ADGRV1: variants seen among roughly 807,000 people sequenced by gnomAD.
The protein encoded by ADGRV1 is adhesion G protein-coupled receptor V1.
ADGRV1 carries 359 observed loss-of-function variants against 596.2 expected under a neutral mutation model. The ratio of observed to expected loss-of-function variants is 0.60; its 90% confidence interval spans 0.55 to 0.66. The LOEUF is 0.66. Among genes scored for constraint, ADGRV1 ranks in the 30% least tolerant of loss-of-function variants. The probability of loss-of-function intolerance (pLI) is 0.00; values close to 1 mark genes in which losing one functional copy is unlikely to be tolerated. For missense variants in ADGRV1, 7,274 were observed against 7,575.6 expected (o/e 0.96, Z 1.48); for synonymous variants, 2,681 against 2,679.2 (o/e 1.00, Z -0.02).
At chr5:91,098,733 C>T (rs1234024785) in intron 86 of ADGRV1, among the ~76,000 whole-genome samples, 1 of 150,874 alleles carries the variant, frequency 6.6e-6, no homozygotes, top group Non-Finnish European at 1.5e-5. Context: ...AGTATGCTCC[C>T]TTAGCTTCTC....
intron 59 of ADGRV1, among the ~76,000 whole-genome samples, chr5:90,770,814 C>T (rs1052434152): frequency 2.5e-4 from 38 of 152,082 alleles, no homozygotes; most frequent in African/African-American, 8.2e-4. Context: ...CAGAGGTAAC[C>T]GCTATTGACA....
chr5:91,136,284 G>A (rs1008821261), intron 87 of ADGRV1, among the ~76,000 whole-genome samples: 2 of 152,168 alleles, frequency 1.3e-5, no homozygotes, highest in Non-Finnish European at 2.9e-5. Flanking sequence ...CCTTATTGGT[G>A]AATCAAAAGA....
Position 90,756,569 on chromosome 5 carries a change from C to G in ADGRV1, c.11696C>G (p.Ala3899Gly). The G allele has an allele frequency of 6.2e-7, 1 of 1,613,668 alleles. No individual in the cohort carries two copies. Among genetic ancestry groups the G allele is most frequent in the Non-Finnish European group, 8.5e-7 (1 of 1,179,646 alleles). Residue 3899 changes from alanine to glycine, a missense_variant, in exon 56 of 90, where the codon GCT (alanine) becomes GGT (glycine). By Grantham distance (60) the Ala-to-Gly change is moderately conservative (BLOSUM62 0). This residue lies in a region of ADGRV1 where 3,643 missense variants were observed against 3,809.2 expected (regional missense o/e 0.96). Coordinates refer to ENST00000405460, the MANE Select transcript of ADGRV1 (RefSeq NM_032119.4). ...GTGCGGAGGCCCGGAATGGAAATAG[C>G]TGAGATAATGATAGAAGAAAATGAC... ...PSVRRPGMEI[A>G]EIMIEENDDP...
At position 91,148,711 on chromosome 5, in the gene ADGRV1, A is replaced by G. The variant is rs76408823; in HGVS notation, c.18433-1319A>G. On this transcript the variant is annotated intron_variant, in intron 87 of 89. Coordinates refer to ENST00000405460, the MANE Select transcript of ADGRV1 (RefSeq NM_032119.4). The stretch of plus-strand genomic sequence containing the variant: ...TGAGAAGAGGCCCACCATCTTCTAG[A>G]CCCCAGAATGGTTTATCCACAAACA... Among the ~76,000 whole-genome samples the G allele has an allele frequency of 2.7e-3, 410 of 152,224 alleles. 6 individuals carry two copies. The East Asian group carries it at 0.03, about 11-fold the overall frequency.
At chr5:90,963,222 T>C (rs1778176662) in intron 83 of ADGRV1, among the ~76,000 whole-genome samples, 1 of 152,182 alleles carries the variant, frequency 6.6e-6, no homozygotes, top group Non-Finnish European at 1.5e-5. Context: ...AATGTTAAAA[T>C]GATTGCTTTT....
chr5:90,677,686 C>G (rs1004939716), intron 25 of ADGRV1, among the ~76,000 whole-genome samples: 2 of 152,134 alleles, frequency 1.3e-5, no homozygotes, highest in Admixed American at 1.3e-4. Flanking sequence ...TGAGAAACTT[C>G]TCCCCATATC....
chr5:91,092,910 C>T lies in ADGRV1; in HGVS notation c.18311-9309C>T, dbSNP rs77398502. 5.2e-3 allele frequency among the ~76,000 whole-genome samples: 797 copies of T among 152,294 alleles called. 6 individuals carry two copies. Among genetic ancestry groups the T allele is most frequent in the African/African-American group, 0.018 (760 of 41,548 alleles). On this transcript the variant is annotated intron_variant, in intron 86 of 89. Coordinates refer to ENST00000405460, the MANE Select transcript of ADGRV1 (RefSeq NM_032119.4). Reference sequence around the variant, plus strand: ...ATGATAGTAGCTAGTGCTTATTGAACATGTGCCTGATGCCCGGCCTTGTGC... The same window carrying T: ...ATGATAGTAGCTAGTGCTTATTGAATATGTGCCTGATGCCCGGCCTTGTGC...
At chr5:90,847,927 G>A (rs1423637140) in intron 78 of ADGRV1, among the ~76,000 whole-genome samples, 2 of 152,166 alleles carry the variant, frequency 1.3e-5, no homozygotes, top group East Asian at 3.9e-4. Flanking sequence ...GTGGGCTGAA[G>A]GGCTCCTCAA....
chr5:91,093,015 C>G (rs532394413), intron 86 of ADGRV1, among the ~76,000 whole-genome samples: 1 of 152,322 alleles, frequency 6.6e-6, no homozygotes, highest in Non-Finnish European at 1.5e-5. Context: ...TGGCTCATCT[C>G]TTTACTTCCA....
chr5:90,639,718 A>C (rs1766722348), intron 11 of ADGRV1, among the ~76,000 whole-genome samples: 1 of 152,160 alleles, frequency 6.6e-6, no homozygotes, highest in Non-Finnish European at 1.5e-5. Flanking sequence ...TGTGTGAACA[A>C]GAATGAGCAA....
chr5:90,710,847 A>T, intron 39 of ADGRV1, 134 bp from the exon 40 acceptor site: 1 of 557,582 alleles, frequency 1.8e-6, no homozygotes, highest in Admixed American at 3.4e-5. Context: ...TTTCTTAAAC[A>T]TCTTTTGAGT....
chr5:90,827,150 A>G lies in ADGRV1; in HGVS notation c.16369-1794A>G, dbSNP rs186749081. 1.5e-4 allele frequency among the ~76,000 whole-genome samples: 23 copies of G among 152,278 alleles called. No individual in the cohort carries two copies. The East Asian group carries it at 4.2e-3, about 28-fold the overall frequency. On this transcript the variant is annotated intron_variant, in intron 76 of 89. Transcript: ENST00000405460. Reference sequence around the variant, plus strand: ...TGCTGAATAGTTCTGGTCCCTGGAAAAATCATCTTATACTAGTTAGGGCAA... The same window carrying G: ...TGCTGAATAGTTCTGGTCCCTGGAAGAATCATCTTATACTAGTTAGGGCAA...
At chr5:90,860,336 T>C (rs1031434224) in intron 82 of ADGRV1, among the ~76,000 whole-genome samples, 14 of 152,082 alleles carry the variant, frequency 9.2e-5, no homozygotes, top group Admixed American at 2.6e-4. Flanking sequence ...GTTTCGCTCT[T>C]GTTGCCCAGG....
intron 59 of ADGRV1, among the ~76,000 whole-genome samples, chr5:90,767,811 A>G (rs1181309994): frequency 2.0e-5 from 3 of 152,008 alleles, no homozygotes; most frequent in Admixed American, 6.6e-5. Context: ...CTGGCAGTCT[A>G]TTTGCCATGC....
At chr5:91,063,393 A>T (rs1312122250) in intron 85 of ADGRV1, among the ~76,000 whole-genome samples, 4 of 152,226 alleles carry the variant, frequency 2.6e-5, no homozygotes, top group Non-Finnish European at 5.9e-5. Context: ...TCTGTCTAGT[A>T]TATGGATTTT....
chr5:90,627,033 T>A (rs2149375248), intron 6 of ADGRV1, among the ~76,000 whole-genome samples, 178 bp from the exon 7 acceptor site: 1 of 152,346 alleles, frequency 6.6e-6, no homozygotes, highest in African/African-American at 2.4e-5. Flanking sequence ...ATACATTATT[T>A]ACCTGTGGAA....
chr5:90,815,830 TAGA>T (rs1762840484), intron 75 of ADGRV1, 94 bp downstream of exon 75: 7 of 722,364 alleles, frequency 9.7e-6, no homozygotes, highest in Non-Finnish European at 1.7e-5. Context: ...CAGGGTAAGA[TAGA>T]AGGAGGTAGT....
intron 1 of ADGRV1, among the ~76,000 whole-genome samples, chr5:90,586,207 G>A (rs777011489): frequency 6.6e-6 from 1 of 152,120 alleles, no homozygotes; most frequent in Non-Finnish European, 1.5e-5. Flanking sequence ...TCAAGATTTT[G>A]CCATACTTGT....
intron 42 of ADGRV1, among the ~76,000 whole-genome samples, chr5:90,715,667 T>TA (rs1168917784): frequency 2.1e-5 from 3 of 141,870 alleles, no homozygotes; most frequent in South Asian, 2.2e-4. Context: ...TTTTTTTTTT[T>TA]AAATAGCTGA....
Sources: gnomAD v4.1 joint callset for allele counts (sites outside exome capture counted in the v4.1 genomes callset) on GRCh38, gnomAD v4.1.1 for gene constraint, gnomAD v4.1.1 regional missense constraint, MANE v1.5 for transcripts, NCBI Gene and HGNC (gene_info 2026-07-23, HGNC 2026-07-21) for gene names.